Variants in NFASC observed in about 807,000 individuals in gnomAD.
NFASC encodes the protein neurofascin, also known as neurofascin homolog.
In NFASC, 43 loss-of-function variants were observed where a neutral mutation model predicts 147.5. The ratio of observed to expected loss-of-function variants is 0.29; its 90% CI spans 0.23 to 0.38. The LOEUF (loss-of-function observed/expected upper bound fraction) is 0.38, where lower values mean the gene tolerates loss of function less well. NFASC is among the 10% of genes least tolerant of loss of function. The probability of loss-of-function intolerance (pLI) is 1.00; values close to 1 mark genes in which losing one functional copy is unlikely to be tolerated. For missense variants in NFASC, 1,320 were observed against 1,689.0 expected (o/e 0.78, Z 3.83); for synonymous variants, 622 against 665.5 (o/e 0.93, Z 1.01).
chr1:204,871,656 G>T (rs2077731541), intron 1 of NFASC, among the ~76,000 whole-genome samples: 1 of 152,228 alleles, frequency 6.6e-6, no homozygotes, highest in Non-Finnish European at 1.5e-5. Context: ...GAAGCTGCTG[G>T]TTGGGAGGAA....
intron 1 of NFASC, among the ~76,000 whole-genome samples, chr1:204,851,175 C>A (rs1383830243): frequency 2.0e-5 from 3 of 152,136 alleles, no homozygotes; most frequent in Non-Finnish European, 4.4e-5. Flanking sequence ...TTAAAACTGA[C>A]AAAGCACCAA....
intron 1 of NFASC, among the ~76,000 whole-genome samples, chr1:204,896,668 T>A (rs1193984392): frequency 6.6e-6 from 1 of 152,218 alleles, no homozygotes; most frequent in Admixed American, 6.5e-5. Context: ...TGGTTTTGTG[T>A]CTAGGCCATT....
At chr1:204,840,744 T>C (rs987878421) in intron 1 of NFASC, among the ~76,000 whole-genome samples, 35 of 152,310 alleles carry the variant, frequency 2.3e-4, no homozygotes, top group African/African-American at 8.4e-4. Context: ...TGACTCTAAG[T>C]GGGTGTCCAG....
In NFASC at chr1:204,979,188, C is replaced by G; in HGVS notation, c.1978+119C>G. 1 of 994,590 alleles carries G rather than the reference C, an allele frequency of 1.0e-6. No homozygotes were observed. The highest frequency in any genetic ancestry group is 1.5e-5 in the South Asian group (1 of 65,926). 61.6% of individuals were successfully genotyped at this position (994,590 alleles called of 1,614,324 possible). On this transcript the variant is annotated intron_variant, in intron 18 of 29. Coordinates refer to ENST00000339876, the MANE Select transcript of NFASC (RefSeq NM_001005388.3). This position sits in a 1 kb window ranked among gnomAD's most constrained non-coding sequence, Gnocchi z 6.0. Reference sequence around the variant, plus strand: ...TCGCTTGATGTGTGTCCTGGGCTAACCTCAGAATGTACAGAGGCCTTGGTG... The same window carrying G: ...TCGCTTGATGTGTGTCCTGGGCTAAGCTCAGAATGTACAGAGGCCTTGGTG...
intron 26 of NFASC, 23 bp downstream of exon 26, chr1:205,001,309 G>T (rs370195655): frequency 1.6e-5 from 25 of 1,524,060 alleles, no homozygotes; most frequent in Admixed American, 3.5e-5. Context: ...GTGCGGGGTG[G>T]TGGTGGCGGC....
At chr1:204,843,919 G>GTAGA (rs2102551061) in intron 1 of NFASC, among the ~76,000 whole-genome samples, 1 of 152,190 alleles carries the variant, frequency 6.6e-6, no homozygotes, top group African/African-American at 2.4e-5. Context: ...GGGGTTTTTA[G>GTAGA]TACAGACGGG....
At chr1:204,966,691 AAG>A in intron 8 of NFASC, among the ~76,000 whole-genome samples, 2 of 152,228 alleles carry the variant, frequency 1.3e-5, no homozygotes, top group South Asian at 4.1e-4. Flanking sequence ...CATCTACAGA[AAG>A]AGAAATAATA....
intron 1 of NFASC, among the ~76,000 whole-genome samples, chr1:204,830,217 G>A (rs1438097753): frequency 1.3e-5 from 2 of 152,204 alleles, no homozygotes; most frequent in African/African-American, 4.8e-5. Flanking sequence ...AAGCCACAGG[G>A]CTTTGAGACC....
chr1:204,952,168 C>A, intron 5 of NFASC, 52 bp downstream of exon 5: 2 of 1,367,964 alleles, frequency 1.5e-6, no homozygotes, highest in Non-Finnish European at 2.1e-6. Context: ...GCCTCTGGGC[C>A]TGATGATAAC....
At chr1:204,992,969 C>T (rs547581385) in intron 24 of NFASC, among the ~76,000 whole-genome samples, 3 of 152,344 alleles carry the variant, frequency 2.0e-5, no homozygotes, top group Admixed American at 6.5e-5. Flanking sequence ...CTCCAGCTTC[C>T]GTGTGACATG....
At chr1:204,988,859 C>T (rs753786038) in intron 23 of NFASC, 53 bp downstream of exon 23, 10 of 1,535,316 alleles carry the variant, frequency 6.5e-6, no homozygotes, top group Middle Eastern at 2.1e-4. Context: ...AATTCCGAGG[C>T]CTAGAGAAAC....
intron 1 of NFASC, among the ~76,000 whole-genome samples, chr1:204,910,155 G>T (rs2087007666): frequency 6.6e-6 from 1 of 151,628 alleles, no homozygotes; most frequent in African/African-American, 2.4e-5. Flanking sequence ...CATTAAACCA[G>T]TATATATATA....
At chr1:204,839,513 G>C (rs1331239934) in intron 1 of NFASC, among the ~76,000 whole-genome samples, 6 of 152,266 alleles carry the variant, frequency 3.9e-5, no homozygotes, top group South Asian at 4.1e-4. Context: ...GCGTGTCCCT[G>C]TCTGGCCTCT....
rs370954416 is a variant in NFASC at position 205,009,523 on chromosome 1, C to T, written c.3290-34C>T. On this transcript the variant is annotated intron_variant, in intron 27 of 29. Coordinates refer to ENST00000339876, the MANE Select transcript of NFASC (RefSeq NM_001005388.3). ...CTCCTCACCATCTCCCCCATGAAAT[C>T]ATTCACGGGTTTGCTTCCGGCCCTC... The T allele has an allele frequency of 1.1e-5, 17 of 1,610,290 alleles. No individual in the cohort carries two copies. In the African/African-American group the frequency reaches 1.6e-4, roughly 15 times the overall value.
chr1:204,858,805 C>T (rs1407009611), intron 1 of NFASC, among the ~76,000 whole-genome samples: 2 of 152,132 alleles, frequency 1.3e-5, no homozygotes, highest in African/African-American at 4.8e-5. Context: ...TCCTTCCCCA[C>T]CGGGGTCGTA....
At chr1:204,910,551 A>C (rs990888164) in intron 1 of NFASC, among the ~76,000 whole-genome samples, 1 of 152,032 alleles carries the variant, frequency 6.6e-6, no homozygotes, top group Non-Finnish European at 1.5e-5. Flanking sequence ...TCCTGGGCTC[A>C]AGGGATCCTT....
At chr1:205,007,862 A>C (rs1277435674) in intron 27 of NFASC, among the ~76,000 whole-genome samples, 1 of 152,086 alleles carries the variant, frequency 6.6e-6, no homozygotes, top group Non-Finnish European at 1.5e-5. Context: ...TAACAATAAG[A>C]AGCTTTGGAG....
chr1:204,856,981 AAC>A (rs2076210697), intron 1 of NFASC, among the ~76,000 whole-genome samples: 1 of 152,234 alleles, frequency 6.6e-6, no homozygotes, highest in Non-Finnish European at 1.5e-5. Context: ...TGCTGCTATG[AAC>A]ACATAAGTAC....
intron 1 of NFASC, among the ~76,000 whole-genome samples, chr1:204,872,996 A>T (rs2078011282): frequency 6.6e-6 from 1 of 152,172 alleles, no homozygotes; most frequent in Admixed American, 6.5e-5. Flanking sequence ...GTTCTTTTAG[A>T]GCCCCTATGC....
Sources: gnomAD v4.1 joint callset for allele counts (sites outside exome capture counted in the v4.1 genomes callset) on GRCh38, gnomAD v4.1.1 for gene constraint, Gnocchi (gnomAD v3.1) non-coding constraint, MANE v1.5 for transcripts, NCBI Gene and HGNC (gene_info 2026-07-23, HGNC 2026-07-21) for gene names.